SLC22A23: variants seen among roughly 807,000 people sequenced by gnomAD.
SLC22A23 encodes solute carrier family 22 member 23, also known as ion transporter protein.
In SLC22A23, 26 loss-of-function variants were observed where a neutral mutation model predicts 61.0. That is an observed-to-expected ratio of 0.43 (90% CI 0.31 to 0.59). The LOEUF (loss-of-function observed/expected upper bound fraction) is 0.59. SLC22A23 is among the 20% of genes least tolerant of loss of function. The pLI is 0.11. For missense variants in SLC22A23, 796 were observed against 934.7 expected (o/e 0.85, Z 1.94); for synonymous variants, 430 against 413.9 (o/e 1.04, Z -0.47).
intron 9 of SLC22A23, chr6:3,282,120 C>A: frequency 1.5e-6 from 1 of 685,564 alleles, no homozygotes; most frequent in South Asian, 1.6e-5. Context: ...CATGCAAAGG[C>A]TGCAGGAGGC....
At chr6:3,298,650 T>C (rs1390490384) in intron 4 of SLC22A23, among the ~76,000 whole-genome samples, 1 of 152,156 alleles carries the variant, frequency 6.6e-6, no homozygotes, top group Non-Finnish European at 1.5e-5. Context: ...ACTAATAATA[T>C]ACAGTTTCAC....
chr6:3,320,604 C>G (rs1762893723), intron 4 of SLC22A23, among the ~76,000 whole-genome samples: 1 of 152,192 alleles, frequency 6.6e-6, no homozygotes, highest in African/African-American at 2.4e-5. Flanking sequence ...CACCCCCTCT[C>G]CACAGCGGGC....
chr6:3,328,650 C>T lies in SLC22A23; in HGVS notation c.914-4648G>A, dbSNP rs1763411256. Among the ~76,000 whole-genome samples, 1 of 152,152 alleles carries T rather than the reference C, an allele frequency of 6.6e-6. No homozygotes were observed. The highest frequency in any genetic ancestry group is 1.5e-5 in the Non-Finnish European group (1 of 68,022). On this transcript the variant is annotated intron_variant, in intron 3 of 9. Coordinates refer to ENST00000406686, the MANE Select transcript of SLC22A23 (RefSeq NM_015482.2). The surrounding 1 kb of genome is among the most constrained non-coding windows in gnomAD (Gnocchi z 5.0). Reference sequence around the variant, plus strand: ...TCCTTGAGGAGGAAGAAGATTCCACCTGTGGACGGCAGTGCCCGCCCCCAT... The same window carrying T: ...TCCTTGAGGAGGAAGAAGATTCCACTTGTGGACGGCAGTGCCCGCCCCCAT...
rs977204570 is a variant in SLC22A23 at position 3,304,881 on chromosome 6, C to T, written c.1083-6663G>A. Among the ~76,000 whole-genome samples the T allele has an allele frequency of 3.3e-5, 5 of 152,136 alleles. No homozygotes were observed. Among genetic ancestry groups the T allele is most frequent in the South Asian group, 2.1e-4 (1 of 4,822 alleles). ...GAATGCTGGGAATGAGGTGAGAAGA[C>T]GCAGGGAGAGGAGAGGGATGCAGGG... On this transcript the variant is annotated intron_variant, in intron 4 of 9. Coordinates refer to ENST00000406686, the MANE Select transcript of SLC22A23 (RefSeq NM_015482.2). This position sits in a 1 kb window ranked among gnomAD's most constrained non-coding sequence, Gnocchi z 4.3.
chr6:3,374,171 T>C (rs910452035), intron 3 of SLC22A23, among the ~76,000 whole-genome samples: 16 of 152,256 alleles, frequency 1.1e-4, no homozygotes, highest in Admixed American at 2.6e-4. Context: ...CTTTTTCTTT[T>C]GTTAAATATC....
At chr6:3,306,708 C>A (rs1276786467) in intron 4 of SLC22A23, among the ~76,000 whole-genome samples, 1 of 152,208 alleles carries the variant, frequency 6.6e-6, no homozygotes, top group African/African-American at 2.4e-5. Context: ...GGCAGAACTA[C>A]AAGTCTCCAC....
At chr6:3,444,919 C>G (rs910554638) in intron 1 of SLC22A23, 45 of 985,470 alleles carry the variant, frequency 4.6e-5, no homozygotes, top group South Asian at 2.8e-4. Context: ...GCTCCTCCCC[C>G]CTCAAAGTGC....
At chr6:3,316,099 G>A (rs1002043635) in intron 4 of SLC22A23, among the ~76,000 whole-genome samples, 3 of 152,182 alleles carry the variant, frequency 2.0e-5, no homozygotes, top group South Asian at 2.1e-4. Context: ...CCTGAGATCC[G>A]TATTTCTAGC....
chr6:3,408,105 C>A (rs1237995157), intron 3 of SLC22A23, among the ~76,000 whole-genome samples: 1 of 152,190 alleles, frequency 6.6e-6, no homozygotes, highest in Non-Finnish European at 1.5e-5. Context: ...GCTACAATGG[C>A]AGAGTTGAGT....
chr6:3,452,319 C>G (rs548207941), intron 1 of SLC22A23, among the ~76,000 whole-genome samples: 7 of 152,192 alleles, frequency 4.6e-5, no homozygotes, highest in African/African-American at 1.7e-4. Context: ...ATTAGTCTGG[C>G]TGGTGGCTCA....
At chr6:3,409,214 A>G (rs554476050) in intron 3 of SLC22A23, among the ~76,000 whole-genome samples, 1 of 152,376 alleles carries the variant, frequency 6.6e-6, no homozygotes, top group Admixed American at 6.5e-5. Context: ...TCAGTTAAAC[A>G]TTGATGACAA....
At chr6:3,319,016 G>A (rs1021901330) in intron 4 of SLC22A23, among the ~76,000 whole-genome samples, 2 of 152,222 alleles carry the variant, frequency 1.3e-5, no homozygotes, top group African/African-American at 4.8e-5. Flanking sequence ...ACACAGCCCA[G>A]TGTGTGCGCT....
In SLC22A23 at chr6:3,390,494, T is replaced by C. The variant is rs1323025084; in HGVS notation, c.913+19694A>G. On this transcript the variant is annotated intron_variant, in intron 3 of 9. Transcript: ENST00000406686. The surrounding 1 kb of genome is among the most constrained non-coding windows in gnomAD (Gnocchi z 4.0). ...TCTACCATGACCTTAGTCCACAGGA[T>C]CTCTCATGAGAAGAAAGCCACACAG... Among the ~76,000 whole-genome samples the C allele has an allele frequency of 6.6e-6, 1 of 152,132 alleles. No individual in the cohort carries two copies. Among genetic ancestry groups the C allele is most frequent in the Non-Finnish European group, 1.5e-5 (1 of 68,022 alleles).
Position 3,297,958 on chromosome 6 carries a change from T to G in SLC22A23, c.1210+133A>C. On this transcript the variant is annotated intron_variant, in intron 5 of 9. Transcript: ENST00000406686. The surrounding 1 kb of genome is among the most constrained non-coding windows in gnomAD (Gnocchi z 4.3). ...AATGTCAAGGTTGCCACATTGCCCTTGTGCAGGCCAAAAGGTCACAGGAGA... is the reference window on the plus strand; with the variant it reads ...AATGTCAAGGTTGCCACATTGCCCTGGTGCAGGCCAAAAGGTCACAGGAGA... 1 of 1,103,180 alleles carries G rather than the reference T, an allele frequency of 9.1e-7. No individual in the cohort carries two copies. Among genetic ancestry groups the G allele is most frequent in the Non-Finnish European group, 1.2e-6 (1 of 814,856 alleles). 68.3% of individuals were successfully genotyped at this position (1,103,180 alleles called of 1,614,324 possible).
intron 9 of SLC22A23, among the ~76,000 whole-genome samples, chr6:3,274,883 A>AATATTTT (rs142578986): frequency 5.9e-5 from 9 of 151,970 alleles, no homozygotes; most frequent in African/African-American, 2.2e-4. Flanking sequence ...TAGAAGACTA[A>AATATTTT]ATATTATAAA....
At chr6:3,362,444 AGC>A in intron 3 of SLC22A23, among the ~76,000 whole-genome samples, 1 of 137,938 alleles carries the variant, frequency 7.2e-6, no homozygotes, top group African/African-American at 3.1e-5. Flanking sequence ...AATAAAAATT[AGC>A]ATGCATTTTC....
chr6:3,417,230 T>C (rs757325756), intron 1 of SLC22A23, among the ~76,000 whole-genome samples: 1 of 152,144 alleles, frequency 6.6e-6, no homozygotes, highest in Non-Finnish European at 1.5e-5. Flanking sequence ...CTGGACTCCT[T>C]GGGACACACA....
At chr6:3,394,792 C>T (rs1429209991) in intron 3 of SLC22A23, among the ~76,000 whole-genome samples, 1 of 152,202 alleles carries the variant, frequency 6.6e-6, no homozygotes, top group Non-Finnish European at 1.5e-5. Flanking sequence ...ACATGATAGT[C>T]CCATGTCCTC....
intron 3 of SLC22A23, among the ~76,000 whole-genome samples, chr6:3,362,239 ACTAAAATACAAAAAATTAGCTGGGCGTG>A (rs1765502658): frequency 6.6e-6 from 1 of 151,408 alleles, no homozygotes; most frequent in Admixed American, 6.6e-5. Context: ...CCCCGTCTCT[ACTAAAATACAAAAAATTAGCTGGGCGTG>A]GTAGCATGCG....
Sources: gnomAD v4.1 joint callset for allele counts (sites outside exome capture counted in the v4.1 genomes callset) on GRCh38, gnomAD v4.1.1 for gene constraint, Gnocchi (gnomAD v3.1) non-coding constraint, MANE v1.5 for transcripts, NCBI Gene and HGNC (gene_info 2026-07-23, HGNC 2026-07-21) for gene names.